The following BRD10 variants were observed in gnomAD, a reference collection of about 807,000 sequenced individuals.
The protein encoded by BRD10 is uncharacterized bromodomain-containing protein 10.
the BRD10 span, among the ~76,000 whole-genome samples, chr9:5,906,443 T>C: frequency 6.6e-6 from 1 of 152,380 alleles, no homozygotes; most frequent in East Asian, 1.9e-4. Flanking sequence ...ACCTATGTTA[T>C]TTTCTTTTTC....
the BRD10 span, chr9:6,008,184 G>A: frequency 1.0e-6 from 1 of 974,620 alleles, no homozygotes; most frequent in Admixed American, 6.2e-5. Context: ...GGGAGGGGGC[G>A]AGGAGGAAGG....
the BRD10 span, among the ~76,000 whole-genome samples, chr9:5,883,621 A>G: frequency 6.6e-6 from 1 of 151,268 alleles, no homozygotes; most frequent in Non-Finnish European, 1.5e-5. Flanking sequence ...GCGCACCAAC[A>G]TGCCTGGCTA....
At chr9:6,004,845 T>C in the BRD10 span, among the ~76,000 whole-genome samples, 1 of 152,328 alleles carries the variant, frequency 6.6e-6, no homozygotes, top group Admixed American at 6.5e-5. Flanking sequence ...TGGAAGCAGT[T>C]AGTAATGACT....
the BRD10 span, chr9:5,892,392 G>T: frequency 1.6e-6 from 2 of 1,275,140 alleles, no homozygotes; most frequent in Non-Finnish European, 2.2e-6. Context: ...GTCTTTATGA[G>T]ATGATGAATA....
chr9:5,919,543 A>AATACAC, the BRD10 span: 4 of 394,974 alleles, frequency 1.0e-5, no homozygotes, highest in Non-Finnish European at 1.3e-5. Flanking sequence ...GATACATTAA[A>AATACAC]ACACACACAC....
chr9:6,008,261 C>T, the BRD10 span: 3 of 983,732 alleles, frequency 3.0e-6, no homozygotes, highest in East Asian at 1.1e-4. Flanking sequence ...TCCCTCACAC[C>T]CCCTCCCGCC....
At chr9:5,948,429 T>C in the BRD10 span, among the ~76,000 whole-genome samples, 2 of 152,100 alleles carry the variant, frequency 1.3e-5, no homozygotes, top group East Asian at 3.8e-4. Flanking sequence ...ATGGTAATAT[T>C]AAAAGGTCCT....
chr9:5,897,758 T>G, the BRD10 span: 1 of 994,660 alleles, frequency 1.0e-6, no homozygotes, highest in South Asian at 1.3e-5. Flanking sequence ...ATTATAACCT[T>G]CAGCTCTGAT....
chr9:5,912,552 G>A, the BRD10 span, among the ~76,000 whole-genome samples: 1 of 152,158 alleles, frequency 6.6e-6, no homozygotes, highest in Non-Finnish European at 1.5e-5. Context: ...CATATTTGTT[G>A]AGACCCTTCA....
chr9:5,896,391 A>G, the BRD10 span, among the ~76,000 whole-genome samples: 5 of 152,214 alleles, frequency 3.3e-5, no homozygotes, highest in South Asian at 2.1e-4. Context: ...ACTGACCTAC[A>G]TAAGTCAGAG....
At chr9:5,880,790 CG>C in the BRD10 span, among the ~76,000 whole-genome samples, 1 of 151,660 alleles carries the variant, frequency 6.6e-6, no homozygotes, top group Admixed American at 6.6e-5. Flanking sequence ...CTGCAACCTC[CG>C]CTTCCCAGGC....
At chr9:5,906,486 G>A in the BRD10 span, among the ~76,000 whole-genome samples, 13 of 152,198 alleles carry the variant, frequency 8.5e-5, no homozygotes, top group African/African-American at 3.1e-4. Context: ...CTGCAAGGCA[G>A]GTCTACTGGC....
chr9:5,935,099 A>G, the BRD10 span, among the ~76,000 whole-genome samples: 1 of 152,198 alleles, frequency 6.6e-6, no homozygotes, highest in Admixed American at 6.5e-5. Flanking sequence ...AGTATAATAC[A>G]TATAAATATG....
At chr9:5,923,054 T>C in the BRD10 span, 1 of 1,614,022 alleles carries the variant, frequency 6.2e-7, no homozygotes, top group Non-Finnish European at 8.5e-7. Flanking sequence ...AAATGATGGC[T>C]CTGTATGCTT....
chr9:5,999,684 G>T, the BRD10 span, among the ~76,000 whole-genome samples: 1 of 152,058 alleles, frequency 6.6e-6, no homozygotes, highest in African/African-American at 2.4e-5. Flanking sequence ...TAAACTACTG[G>T]CCATTCCCTA....
the BRD10 span, among the ~76,000 whole-genome samples, chr9:5,935,485 C>T: frequency 6.6e-6 from 1 of 152,166 alleles, no homozygotes; most frequent in African/African-American, 2.4e-5. Flanking sequence ...AGACAATGTG[C>T]TACCATTTTC....
At chr9:5,951,074 ACAC>A in the BRD10 span, among the ~76,000 whole-genome samples, 1 of 136,108 alleles carries the variant, frequency 7.3e-6, no homozygotes, top group Non-Finnish European at 1.6e-5. Flanking sequence ...ACACACACAC[ACAC>A]CCCCACCCCA....
At chr9:5,992,648 T>A in the BRD10 span, among the ~76,000 whole-genome samples, 3 of 152,100 alleles carry the variant, frequency 2.0e-5, no homozygotes, top group Admixed American at 1.3e-4. Flanking sequence ...TATGCTGCCA[T>A]CCATAAGCAA....
chr9:5,910,971 A>AT, the BRD10 span, among the ~76,000 whole-genome samples: 1 of 151,788 alleles, frequency 6.6e-6, no homozygotes, highest in Admixed American at 6.6e-5. Context: ...GTAGTTTGCT[A>AT]TTTTCTCCCA....
Sources: allele counts gnomAD v4.1 joint callset (sites outside exome capture counted in the v4.1 genomes callset), GRCh38; gene constraint gnomAD v4.1.1; transcripts MANE v1.5; gene names NCBI Gene and HGNC (gene_info 2026-07-23, HGNC 2026-07-21).